GRIN3A: variants seen among roughly 807,000 people sequenced by gnomAD.
GRIN3A encodes the protein glutamate ionotropic receptor NMDA type subunit 3A, also known as glutamate receptor ionotropic, NMDA 3A.
In GRIN3A, 47 loss-of-function variants were observed where a neutral mutation model predicts 92.4. The observed-to-expected ratio is 0.51, with a 90% CI of 0.40 to 0.65. The LOEUF (loss-of-function observed/expected upper bound fraction) is 0.65, where lower values mean the gene tolerates loss of function less well. Ranked by LOEUF, GRIN3A falls within the 30% of genes least tolerant of loss-of-function variation. The pLI is 0.00. For missense variants in GRIN3A, 1,324 were observed against 1,393.1 expected (o/e 0.95, Z 0.79); for synonymous variants, 527 against 540.6 (o/e 0.97, Z 0.35).
intron 3 of GRIN3A, among the ~76,000 whole-genome samples, chr9:101,659,710 TTC>T (rs1300621454): frequency 6.6e-6 from 1 of 151,808 alleles, no homozygotes; most frequent in Non-Finnish European, 1.5e-5. Flanking sequence ...ATTTGACATA[TTC>T]TCTGTTTGTA....
At chr9:101,692,194 C>G (rs1333012803) in intron 1 of GRIN3A, among the ~76,000 whole-genome samples, 1 of 152,126 alleles carries the variant, frequency 6.6e-6, no homozygotes, top group Non-Finnish European at 1.5e-5. Context: ...AACTTCTCAG[C>G]AGGAAAACAG....
intron 6 of GRIN3A, among the ~76,000 whole-genome samples, chr9:101,609,566 A>G (rs924261521): frequency 6.6e-6 from 1 of 152,242 alleles, no homozygotes; most frequent in Non-Finnish European, 1.5e-5. Flanking sequence ...TTTGGAATAA[A>G]TTTGACATAG....
intron 3 of GRIN3A, among the ~76,000 whole-genome samples, chr9:101,656,599 T>C (rs1829091454): frequency 6.6e-6 from 1 of 151,888 alleles, no homozygotes; most frequent in Non-Finnish European, 1.5e-5. Flanking sequence ...CTTGTTAAAA[T>C]GCAGATTCTG....
At chr9:101,579,431 G>T in intron 6 of GRIN3A, 71 bp from the exon 7 acceptor site, 1 of 1,487,562 alleles carries the variant, frequency 6.7e-7, no homozygotes, top group Non-Finnish European at 9.3e-7. Flanking sequence ...TGTACTCTTT[G>T]GTTTTCAGAT....
chr9:101,597,367 C>T (rs1828149971), intron 6 of GRIN3A, among the ~76,000 whole-genome samples: 1 of 152,116 alleles, frequency 6.6e-6, no homozygotes, highest in Non-Finnish European at 1.5e-5. Flanking sequence ...AGCACATGCT[C>T]TTCCTTATAA....
chr9:101,617,333 G>A (rs1344685287), intron 5 of GRIN3A, among the ~76,000 whole-genome samples: 4 of 151,560 alleles, frequency 2.6e-5, no homozygotes, highest in Non-Finnish European at 5.9e-5. Flanking sequence ...AAAAGTATAT[G>A]ATAAGAAAGT....
chr9:101,710,385 G>T (rs1435379524), intron 1 of GRIN3A, among the ~76,000 whole-genome samples: 1 of 152,164 alleles, frequency 6.6e-6, no homozygotes, highest in African/African-American at 2.4e-5. Context: ...AGAATGTCAA[G>T]TATATGCAAA....
chr9:101,577,632 A>G lies in GRIN3A; in HGVS notation c.3008+136T>C, dbSNP rs1490333564. 5 of 728,518 alleles carry G rather than the reference A, an allele frequency of 6.9e-6. No homozygotes were observed. In the African/African-American group the frequency reaches 7.1e-5, roughly 10 times the overall value. 45.1% of individuals were successfully genotyped at this position (728,518 alleles called of 1,614,324 possible). ...ATTTTAGTGTCCATATACATTTTTTATTTTATGTTTTATTTCCCTCTATTT... is the reference window on the plus strand; with the variant it reads ...ATTTTAGTGTCCATATACATTTTTTGTTTTATGTTTTATTTCCCTCTATTT... On this transcript the variant is annotated intron_variant, in intron 8 of 8. Transcript: ENST00000361820.
chr9:101,697,365 T>G (rs1244249697), intron 1 of GRIN3A, among the ~76,000 whole-genome samples: 1 of 152,212 alleles, frequency 6.6e-6, no homozygotes, highest in African/African-American at 2.4e-5. Context: ...CTTAAAGTCT[T>G]TGGTCACAGA....
intron 7 of GRIN3A, among the ~76,000 whole-genome samples, chr9:101,578,697 C>T (rs1003188227): frequency 2.6e-5 from 4 of 152,150 alleles, no homozygotes; most frequent in Non-Finnish European, 4.4e-5. Context: ...TAAATCAGTG[C>T]GTTGATGTCT....
At chr9:101,582,978 T>C (rs1827907912) in intron 6 of GRIN3A, among the ~76,000 whole-genome samples, 1 of 152,222 alleles carries the variant, frequency 6.6e-6, no homozygotes, top group African/African-American at 2.4e-5. Context: ...CACATGCTGA[T>C]AGACTAACAG....
intron 6 of GRIN3A, among the ~76,000 whole-genome samples, chr9:101,602,683 C>A (rs1828226852): frequency 1.3e-5 from 2 of 152,322 alleles, no homozygotes; most frequent in South Asian, 4.1e-4. Context: ...GTATCTCTGG[C>A]ATATAAAAGC....
chr9:101,683,817 C>T (rs1480924183), intron 2 of GRIN3A, among the ~76,000 whole-genome samples: 6 of 147,340 alleles, frequency 4.1e-5, no homozygotes, highest in African/African-American at 1.5e-4. Flanking sequence ...AACCTAACAT[C>T]CCACCATAAG....
At chr9:101,645,307 C>A (rs1489475939) in intron 3 of GRIN3A, among the ~76,000 whole-genome samples, 1 of 151,784 alleles carries the variant, frequency 6.6e-6, no homozygotes, top group Non-Finnish European at 1.5e-5. Context: ...CCAGTTCCAT[C>A]AGTTTTGCTG....
intron 5 of GRIN3A, among the ~76,000 whole-genome samples, chr9:101,622,504 C>T (rs2118867749): frequency 6.6e-6 from 1 of 152,274 alleles, no homozygotes; most frequent in Admixed American, 6.5e-5. Flanking sequence ...AGCAATCTTT[C>T]TTTGGTTCTG....
intron 6 of GRIN3A, among the ~76,000 whole-genome samples, chr9:101,583,950 G>A (rs577113166): frequency 6.6e-6 from 1 of 152,256 alleles, no homozygotes; most frequent in Admixed American, 6.5e-5. Flanking sequence ...TCTGCCTCCC[G>A]GGTTCAAGCA....
Position 101,697,689 on chromosome 9 carries a change from C to T in GRIN3A, c.700-10489G>A, listed in dbSNP as rs931521771. ...AGTCCACCAGAAACCAATTAGTGCA[C>T]TTATGACTTTGTCATTTGGTTTGGA... On this transcript the variant is annotated intron_variant, in intron 1 of 8. Coordinates refer to ENST00000361820, the MANE Select transcript of GRIN3A (RefSeq NM_133445.3). 3.3e-5 allele frequency among the ~76,000 whole-genome samples: 5 copies of T among 152,138 alleles called. No individual in the cohort carries two copies. The Middle Eastern group carries it at 9.5e-3, about 289-fold the overall frequency.
chr9:101,698,134 CA>C (rs1829705781), intron 1 of GRIN3A, among the ~76,000 whole-genome samples: 1 of 151,976 alleles, frequency 6.6e-6, no homozygotes, highest in African/African-American at 2.4e-5. Context: ...ATAGTTAATG[CA>C]AAAAAAGTCC....
intron 1 of GRIN3A, among the ~76,000 whole-genome samples, chr9:101,705,375 A>G (rs1829802884): frequency 6.6e-6 from 1 of 152,054 alleles, no homozygotes; most frequent in South Asian, 2.1e-4. Flanking sequence ...GCGGAACTCC[A>G]GGCAAAGATT....
Sources: gnomAD v4.1 joint callset for allele counts (sites outside exome capture counted in the v4.1 genomes callset) on GRCh38, gnomAD v4.1.1 for gene constraint, MANE v1.5 for transcripts, NCBI Gene and HGNC (gene_info 2026-07-23, HGNC 2026-07-21) for gene names.